TFG: variants seen among roughly 807,000 people sequenced by gnomAD.
TFG encodes the protein protein TFG.
Under a neutral mutation model 51.4 loss-of-function variants are expected in TFG, and 22 were observed. The observed-to-expected ratio is 0.43, with a 90% confidence interval of 0.31 to 0.61. The LOEUF (loss-of-function observed/expected upper bound fraction) is 0.61. TFG is among the 20% of genes least tolerant of loss of function. The probability of loss-of-function intolerance (pLI) is 0.12; values close to 1 mark genes in which losing one functional copy is unlikely to be tolerated. For missense variants in TFG, 419 were observed against 487.7 expected (o/e 0.86, Z 1.33); for synonymous variants, 187 against 165.6 (o/e 1.13, Z -0.99).
At chr3:100,728,286 A>G (rs1419576644) in intron 3 of TFG, among the ~76,000 whole-genome samples, 1 of 151,956 alleles carries the variant, frequency 6.6e-6, no homozygotes, top group Non-Finnish European at 1.5e-5. Context: ...TATTATTTTA[A>G]GAATAGCGTG....
intron 6 of TFG, among the ~76,000 whole-genome samples, chr3:100,742,076 A>G (rs9818055): frequency 0.03 from 4,538 of 152,264 alleles, 186 homozygotes; most frequent in African/African-American, 0.092. Context: ...CATATATCCT[A>G]TAGATCTCTC....
At chr3:100,733,732 T>C (rs1209208992) in intron 5 of TFG, among the ~76,000 whole-genome samples, 1 of 152,194 alleles carries the variant, frequency 6.6e-6, no homozygotes, top group Non-Finnish European at 1.5e-5. Context: ...GGACTTATAT[T>C]CTTTTGAGGA....
intron 4 of TFG, 67 bp downstream of exon 4, chr3:100,728,925 C>T: frequency 7.3e-7 from 1 of 1,369,076 alleles, no homozygotes; most frequent in Non-Finnish European, 9.7e-7. Context: ...TTAAAAAACT[C>T]TTTTTAAGTA....
intron 1 of TFG, 144 bp from the exon 2 acceptor site, chr3:100,713,498 GC>G (rs2095036654): frequency 7.9e-6 from 3 of 381,748 alleles, no homozygotes; most frequent in Non-Finnish European, 1.4e-5. Context: ...AAATAATGTT[GC>G]CTCCAGACCA....
At chr3:100,735,841 C>T (rs1044914114) in intron 5 of TFG, among the ~76,000 whole-genome samples, 2 of 152,054 alleles carry the variant, frequency 1.3e-5, no homozygotes, top group East Asian at 1.9e-4. Flanking sequence ...GTCAGGAGCC[C>T]GGCCAAAAGA....
At chr3:100,718,674 C>T (rs1210146305) in intron 2 of TFG, among the ~76,000 whole-genome samples, 3 of 150,712 alleles carry the variant, frequency 2.0e-5, no homozygotes, top group Admixed American at 6.6e-5. Context: ...TCTCCTGCCT[C>T]GGCCTCCCAA....
At chr3:100,716,649 C>T (rs1008097934) in intron 2 of TFG, among the ~76,000 whole-genome samples, 6 of 152,156 alleles carry the variant, frequency 3.9e-5, no homozygotes, top group Non-Finnish European at 8.8e-5. Context: ...TGTTGACATT[C>T]CTACCAATAA....
At chr3:100,736,741 T>A (rs1283524365) in intron 6 of TFG, 25 bp downstream of exon 6, 1 of 1,607,750 alleles carries the variant, frequency 6.2e-7, no homozygotes, top group East Asian at 2.3e-5. Context: ...AGAACACATG[T>A]TTGGGAAAGT....
chr3:100,729,878 A>G lies in TFG; in HGVS notation c.415+1020A>G, dbSNP rs556849298. 5.9e-5 allele frequency among the ~76,000 whole-genome samples: 9 copies of G among 152,228 alleles called. No individual in the cohort carries two copies. The South Asian group carries it at 1.9e-3, about 32-fold the overall frequency. ...ATAGTCATATGGAATTATGTTAATG[A>G]TAGATGTTTAATAAATATTTGGTGA... On this transcript the variant is annotated intron_variant, in intron 4 of 7. Transcript: ENST00000240851.
rs2149087481 is a variant in TFG, at chr3:100,736,583, C to T, written c.588C>T (p.Pro196=). 5 of 1,613,814 alleles carry T rather than the reference C, an allele frequency of 3.1e-6. No individual in the cohort carries two copies. The highest frequency in any genetic ancestry group is 4.2e-6 in the Non-Finnish European group (5 of 1,179,902). The change falls in exon 6 of 8, where the codon CCC becomes CCT. Residue 196 remains proline, a synonymous_variant. Coordinates refer to ENST00000240851, the MANE Select transcript of TFG (RefSeq NM_006070.6). ...TTTTTTTTGACTATCCAGGGCCACC[C>T]AGTGCTCCTGCAGAAGATCGTTCAG... ...GLTDDQVSGP[P]SAPAEDRSGT...
chr3:100,712,185 C>G (rs1307183577), intron 1 of TFG, among the ~76,000 whole-genome samples: 1 of 152,028 alleles, frequency 6.6e-6, no homozygotes, highest in Non-Finnish European at 1.5e-5. Flanking sequence ...AATTTAAGGA[C>G]TAGTTAGATG....
chr3:100,728,580 A>T, intron 3 of TFG, 132 bp from the exon 4 acceptor site: 1 of 692,158 alleles, frequency 1.4e-6, no homozygotes. Flanking sequence ...TTTAAAAAAA[A>T]AGTTACTCCA....
intron 1 of TFG, among the ~76,000 whole-genome samples, chr3:100,712,080 C>T (rs2095032869): frequency 6.6e-6 from 1 of 151,954 alleles, no homozygotes; most frequent in Non-Finnish European, 1.5e-5. Context: ...TCTGCATTGA[C>T]CTTAGAGTGT....
At chr3:100,747,531 A>G (rs1379965087) in intron 7 of TFG, 1 of 152,564 alleles carries the variant, frequency 6.6e-6, no homozygotes, top group African/African-American at 2.4e-5. Flanking sequence ...CTAGTAAATA[A>G]TGAATATAGA....
chr3:100,723,350 C>T (rs1266416383), intron 3 of TFG, among the ~76,000 whole-genome samples: 1 of 151,906 alleles, frequency 6.6e-6, no homozygotes. Flanking sequence ...GGTACCTGTT[C>T]AGTTCAGTAG....
At chr3:100,715,209 G>T (rs1029714822) in intron 2 of TFG, among the ~76,000 whole-genome samples, 4 of 152,304 alleles carry the variant, frequency 2.6e-5, no homozygotes, top group Non-Finnish European at 5.9e-5. Context: ...AAATCTGAGT[G>T]GTTTAATAGT....
chr3:100,716,338 A>G (rs1321999757), intron 2 of TFG, among the ~76,000 whole-genome samples: 1 of 152,188 alleles, frequency 6.6e-6, no homozygotes, highest in African/African-American at 2.4e-5. Flanking sequence ...AATGTCTTCC[A>G]GTTCCATCCA....
chr3:100,747,129 T>A (rs1054454271), intron 7 of TFG, among the ~76,000 whole-genome samples: 1 of 152,202 alleles, frequency 6.6e-6, no homozygotes, highest in Admixed American at 6.5e-5. Flanking sequence ...TGAATTTGAT[T>A]GAGAGATATG....
At chr3:100,740,454 T>C (rs1490372102) in intron 6 of TFG, among the ~76,000 whole-genome samples, 1 of 152,056 alleles carries the variant, frequency 6.6e-6, no homozygotes, top group Non-Finnish European at 1.5e-5. Context: ...GAGAGTGAGG[T>C]AGAAGATAAC....
Sources: gnomAD v4.1 joint callset for allele counts (sites outside exome capture counted in the v4.1 genomes callset) on GRCh38, gnomAD v4.1.1 for gene constraint, MANE v1.5 for transcripts, NCBI Gene and HGNC (gene_info 2026-07-23, HGNC 2026-07-21) for gene names.